SDCCAG8: variants seen among roughly 807,000 people sequenced by gnomAD.
SDCCAG8 encodes SHH signaling and ciliogenesis regulator SDCCAG8.
Under a neutral mutation model 101.8 loss-of-function variants are expected in SDCCAG8, and 74 were observed. That is an observed-to-expected ratio of 0.73 (90% CI 0.60 to 0.88). SDCCAG8 has a LOEUF of 0.88. Ranked by LOEUF, SDCCAG8 falls within the 40% of genes least tolerant of loss-of-function variation. SDCCAG8 has a pLI of 0.00. For missense variants in SDCCAG8, 787 were observed against 822.6 expected (o/e 0.96, Z 0.53); for synonymous variants, 281 against 292.9 (o/e 0.96, Z 0.41).
chr1:243,291,944 G>T (rs1558243785), intron 5 of SDCCAG8, among the ~76,000 whole-genome samples: 2 of 152,136 alleles, frequency 1.3e-5, no homozygotes, highest in Non-Finnish European at 2.9e-5. Context: ...GTGATAATTT[G>T]CTATAATGGC....
chr1:243,445,436 A>G (rs1474984840), intron 16 of SDCCAG8, among the ~76,000 whole-genome samples: 2 of 152,236 alleles, frequency 1.3e-5, no homozygotes, highest in Non-Finnish European at 2.9e-5. Flanking sequence ...GAGGTGGACT[A>G]GTACTAATGA....
At chr1:243,376,989 C>T (rs1024827003) in intron 12 of SDCCAG8, among the ~76,000 whole-genome samples, 1 of 152,164 alleles carries the variant, frequency 6.6e-6, no homozygotes, top group African/African-American at 2.4e-5. Context: ...GCCCTTACTT[C>T]TTTCTCACTT....
chr1:243,430,485 C>T (rs2081658380), intron 16 of SDCCAG8, among the ~76,000 whole-genome samples: 1 of 152,032 alleles, frequency 6.6e-6, no homozygotes, highest in African/African-American at 2.4e-5. Flanking sequence ...CTCTCTGTCG[C>T]CCAGGCTGGA....
chr1:243,498,666 A>C (rs9428575), intron 17 of SDCCAG8, among the ~76,000 whole-genome samples: 1 of 152,332 alleles, frequency 6.6e-6, no homozygotes, highest in East Asian at 1.9e-4. Context: ...GCTGATGTTC[A>C]TATATTTCTC....
chr1:243,351,039 CTT>C (rs898674823), intron 12 of SDCCAG8, among the ~76,000 whole-genome samples: 1 of 152,166 alleles, frequency 6.6e-6, no homozygotes, highest in Non-Finnish European at 1.5e-5. Flanking sequence ...GCTGTGTACT[CTT>C]TTTCAGAAGG....
At chr1:243,274,073 C>T (rs1342527473) in intron 3 of SDCCAG8, among the ~76,000 whole-genome samples, 1 of 152,098 alleles carries the variant, frequency 6.6e-6, no homozygotes, top group Non-Finnish European at 1.5e-5. Context: ...GTTCTGCAGG[C>T]TGTATAGGAA....
chr1:243,288,371 GA>G (rs1443910905), intron 5 of SDCCAG8, among the ~76,000 whole-genome samples: 1 of 151,954 alleles, frequency 6.6e-6, no homozygotes. Context: ...CTACTTTGGA[GA>G]CTGAGGTCAG....
In SDCCAG8 at chr1:243,499,913, G is replaced by T; in HGVS notation, c.*128G>T. ...CACCGCCTCAGCCTGCAGTGGGGCTGGTCCTCATCAACGCGGGCGCTGTCC... is the reference window on the plus strand; with the variant it reads ...CACCGCCTCAGCCTGCAGTGGGGCTTGTCCTCATCAACGCGGGCGCTGTCC... On this transcript the variant is annotated 3_prime_UTR_variant, in exon 18 of 18. Transcript: ENST00000366541. 3 of 876,420 alleles carry T rather than the reference G, an allele frequency of 3.4e-6. No individual in the cohort carries two copies. Among genetic ancestry groups the T allele is most frequent in the Non-Finnish European group, 5.6e-6 (3 of 535,674 alleles). 54.3% of individuals were successfully genotyped at this position (876,420 alleles called of 1,614,324 possible). A position where few individuals can be genotyped will look rare whatever the true frequency, so the allele number is the denominator to read the frequency against.
intron 13 of SDCCAG8, among the ~76,000 whole-genome samples, chr1:243,383,242 C>A (rs978248316): frequency 5.3e-5 from 8 of 152,194 alleles, no homozygotes; most frequent in African/African-American, 1.7e-4. Flanking sequence ...AAACCATATA[C>A]TTTTCTTAGG....
intron 13 of SDCCAG8, among the ~76,000 whole-genome samples, chr1:243,404,812 C>G (rs1300388146): frequency 6.6e-6 from 1 of 151,476 alleles, no homozygotes; most frequent in East Asian, 1.9e-4. Context: ...AATGAAAATT[C>G]TACTATCTTT....
At chr1:243,453,769 C>T (rs1408809289) in intron 16 of SDCCAG8, among the ~76,000 whole-genome samples, 1 of 152,176 alleles carries the variant, frequency 6.6e-6, no homozygotes, top group Non-Finnish European at 1.5e-5. Context: ...GGTTTATTTT[C>T]TTCAGACTGT....
At chr1:243,490,449 T>C (rs1472690397) in intron 17 of SDCCAG8, among the ~76,000 whole-genome samples, 2 of 152,214 alleles carry the variant, frequency 1.3e-5, no homozygotes, top group Admixed American at 1.3e-4. Flanking sequence ...GTTGGGATGA[T>C]TCTGGACGAC....
intron 9 of SDCCAG8, among the ~76,000 whole-genome samples, chr1:243,323,709 T>C (rs1327844485): frequency 6.6e-6 from 1 of 152,192 alleles, no homozygotes; most frequent in Non-Finnish European, 1.5e-5. Context: ...TTGAACAAAC[T>C]GTAGCCTGAT....
chr1:243,376,783 C>T (rs1408314811), intron 12 of SDCCAG8, among the ~76,000 whole-genome samples: 1 of 152,148 alleles, frequency 6.6e-6, no homozygotes, highest in Admixed American at 6.6e-5. Flanking sequence ...TTCATGGTCT[C>T]CCTTCCGCCA....
chr1:243,287,814 AAAGAAGTGG>A (rs2069778769), intron 5 of SDCCAG8, among the ~76,000 whole-genome samples: 1 of 152,210 alleles, frequency 6.6e-6, no homozygotes, highest in Non-Finnish European at 1.5e-5. Context: ...ATGTAATGCC[AAAGAAGTGG>A]AAGAAGGGGA....
intron 7 of SDCCAG8, chr1:243,306,496 T>C (rs1424981317): frequency 2.0e-5 from 3 of 152,184 alleles, no homozygotes; most frequent in Non-Finnish European, 2.9e-5. Flanking sequence ...TACTATAATT[T>C]AAGATTATTT....
At chr1:243,442,691 A>G (rs568586703) in intron 16 of SDCCAG8, among the ~76,000 whole-genome samples, 2 of 152,314 alleles carry the variant, frequency 1.3e-5, no homozygotes, top group East Asian at 1.9e-4. Context: ...CAGAAACCAA[A>G]TGACAGCCTC....
At chr1:243,271,435 T>C (rs6429419) in intron 3 of SDCCAG8, among the ~76,000 whole-genome samples, 6,652 of 150,764 alleles carry the variant, frequency 0.044, 285 homozygotes, top group African/African-American at 0.12. Flanking sequence ...TTTTAGAGGG[T>C]CATATCTATT....
chr1:243,317,025 A>T, intron 9 of SDCCAG8, 132 bp downstream of exon 9: 3 of 959,268 alleles, frequency 3.1e-6, no homozygotes, highest in Admixed American at 2.6e-5. Context: ...CAATCTGTTA[A>T]TGTTGACTTT....
Sources: allele counts gnomAD v4.1 joint callset (sites outside exome capture counted in the v4.1 genomes callset), GRCh38; gene constraint gnomAD v4.1.1; transcripts MANE v1.5; gene names NCBI Gene and HGNC (gene_info 2026-07-23, HGNC 2026-07-21).